Variants in RORA observed in about 807,000 individuals in gnomAD.
RORA encodes the protein RAR related orphan receptor A, also known as nuclear receptor ROR-alpha.
RORA carries 7 observed loss-of-function variants against 69.5 expected under a neutral mutation model. The observed-to-expected ratio is 0.10, with a 90% confidence interval of 0.06 to 0.19. The LOEUF (loss-of-function observed/expected upper bound fraction) is 0.19. Ranked by LOEUF, RORA falls within the 10% of genes least tolerant of loss-of-function variation. The pLI, the probability that RORA is intolerant of heterozygous loss-of-function variation, is 1.00. For synonymous variants in RORA, 261 were observed against 240.8 expected, an observed-to-expected ratio of 1.08 and a Z score of -0.78; for missense variants, 457 against 663.0, an observed-to-expected ratio of 0.69 and a Z score of 3.41.
chr15:60,674,057 C>T (rs1015855060), intron 2 of RORA, among the ~76,000 whole-genome samples: 2 of 152,220 alleles, frequency 1.3e-5, no homozygotes, highest in Non-Finnish European at 2.9e-5. Context: ...TTCAGCGTGG[C>T]TTCTTCTCAC....
intron 1 of RORA, among the ~76,000 whole-genome samples, chr15:61,003,380 TAC>T (rs1240111302): frequency 6.6e-6 from 1 of 152,096 alleles, no homozygotes; most frequent in Non-Finnish European, 1.5e-5. Context: ...CACACACATA[TAC>T]ACACACACAA....
intron 1 of RORA, among the ~76,000 whole-genome samples, chr15:61,064,291 G>T (rs188511631): frequency 6.6e-6 from 1 of 152,288 alleles, no homozygotes; most frequent in Admixed American, 6.5e-5. Context: ...TTCCATCCGC[G>T]AAGGTTGTCC....
At chr15:61,041,445 G>A (rs1183805114) in intron 1 of RORA, among the ~76,000 whole-genome samples, 5 of 152,164 alleles carry the variant, frequency 3.3e-5, no homozygotes, top group East Asian at 1.9e-4. Context: ...AACATTTGTC[G>A]AGCATCCATT....
intron 1 of RORA, among the ~76,000 whole-genome samples, chr15:61,125,890 G>A (rs1047192626): frequency 1.3e-5 from 2 of 152,224 alleles, no homozygotes; most frequent in Non-Finnish European, 1.5e-5. Context: ...TTTCCTGTGA[G>A]CAGGATTGTA....
intron 1 of RORA, among the ~76,000 whole-genome samples, chr15:61,122,049 A>G (rs956077454): frequency 1.9e-4 from 29 of 152,292 alleles, no homozygotes; most frequent in Non-Finnish European, 2.6e-4. Flanking sequence ...AACTGTATGT[A>G]AGAGGAAAAA....
intron 1 of RORA, among the ~76,000 whole-genome samples, chr15:60,929,479 C>G (rs1055863489): frequency 1.4e-4 from 21 of 152,172 alleles, no homozygotes; most frequent in African/African-American, 5.1e-4. Context: ...TTTCCATCCT[C>G]CTGGTTCTGC....
chr15:60,679,452 C>T (rs994542548), intron 1 of RORA, among the ~76,000 whole-genome samples: 1 of 152,190 alleles, frequency 6.6e-6, no homozygotes, highest in African/African-American at 2.4e-5. Context: ...TGCTTTGATG[C>T]AAACAACACT....
At chr15:61,142,057 A>C (rs201026857) in intron 1 of RORA, among the ~76,000 whole-genome samples, 6 of 134,624 alleles carry the variant, frequency 4.5e-5, no homozygotes, top group East Asian at 3.2e-4. Context: ...GACAGCAGTT[A>C]CCCTTTCACA....
intron 2 of RORA, among the ~76,000 whole-genome samples, chr15:60,570,681 GC>G (rs1432896377): frequency 2.0e-5 from 3 of 152,062 alleles, no homozygotes; most frequent in Non-Finnish European, 4.4e-5. Context: ...TTTTAAAACA[GC>G]TATTCATTTG....
chr15:60,720,844 A>T (rs923060175), intron 1 of RORA, among the ~76,000 whole-genome samples: 10 of 152,172 alleles, frequency 6.6e-5, no homozygotes, highest in Non-Finnish European at 1.2e-4. Flanking sequence ...TGACTTCTTC[A>T]GCTTTCCTTG....
intron 1 of RORA, among the ~76,000 whole-genome samples, chr15:61,058,597 G>A (rs2078127814): frequency 6.6e-6 from 1 of 152,174 alleles, no homozygotes; most frequent in African/African-American, 2.4e-5. Context: ...AGGGTGAGTT[G>A]GGGAGGACAG....
chr15:60,894,326 C>T (rs1484663802), intron 1 of RORA, among the ~76,000 whole-genome samples: 1 of 152,214 alleles, frequency 6.6e-6, no homozygotes, highest in African/African-American at 2.4e-5. Context: ...GAGTTTTGTA[C>T]ACTTTCGTGA....
chr15:60,523,433 T>C (rs1317582500), intron 3 of RORA, among the ~76,000 whole-genome samples: 1 of 152,228 alleles, frequency 6.6e-6, no homozygotes. Context: ...TTATTATTGT[T>C]TGAAAATTAT....
intron 2 of RORA, among the ~76,000 whole-genome samples, chr15:60,572,886 G>A (rs1406614539): frequency 1.3e-5 from 2 of 152,186 alleles, no homozygotes; most frequent in African/African-American, 4.8e-5. Context: ...AAATTACCAA[G>A]CATATCTTTA....
rs114603982 is a variant in RORA at position 60,889,840 on chromosome 15, T to C, written c.167-211154A>G. Among the ~76,000 whole-genome samples, 1,079 of 152,288 alleles carry C rather than the reference T, an allele frequency of 7.1e-3. 13 individuals carry two copies. Among genetic ancestry groups the C allele is most frequent in the African/African-American group, 0.025 (1,022 of 41,560 alleles). On this transcript the variant is annotated intron_variant, in intron 1 of 10. Coordinates refer to ENST00000335670, the MANE Select transcript of RORA (RefSeq NM_134261.3). The stretch of plus-strand genomic sequence containing the variant: ...GTATGAACTCACACACAGAAACCAA[T>C]ATACACTACTACTGGAAACGTAAAT...
chr15:60,588,551 A>G lies in RORA; in HGVS notation c.197-56700T>C, dbSNP rs1254471140. Among the ~76,000 whole-genome samples the G allele has an allele frequency of 2.6e-5, 4 of 152,178 alleles. No individual in the cohort carries two copies. In the East Asian group the frequency reaches 7.7e-4, roughly 29 times the overall value. On this transcript the variant is annotated intron_variant, in intron 2 of 10. Coordinates refer to ENST00000335670, the MANE Select transcript of RORA (RefSeq NM_134261.3). Reference sequence around the variant, plus strand: ...CTAGATACCCCAGAGCAAATAAGAAAGTGGTTGGGTGCTATTGTAGGTGCT... The same window carrying G: ...CTAGATACCCCAGAGCAAATAAGAAGGTGGTTGGGTGCTATTGTAGGTGCT...
intron 1 of RORA, among the ~76,000 whole-genome samples, chr15:60,842,924 TG>T (rs2073218500): frequency 6.6e-6 from 1 of 152,124 alleles, no homozygotes; most frequent in African/African-American, 2.4e-5. Context: ...GAGTGGGTGG[TG>T]GAAGAGCTGG....
At chr15:61,071,682 G>A (rs117533774) in intron 1 of RORA, among the ~76,000 whole-genome samples, 6,087 of 94,894 alleles carry the variant, frequency 0.064, 389 homozygotes, top group Admixed American at 0.1. Context: ...GGAGAGGGGG[G>A]AGAGGGGAGG....
chr15:61,172,656 C>T (rs1343798272), intron 1 of RORA, among the ~76,000 whole-genome samples: 1 of 152,182 alleles, frequency 6.6e-6, no homozygotes, highest in Non-Finnish European at 1.5e-5. Flanking sequence ...TTTTTAACTT[C>T]TTGGCAATAT....
Sources: gnomAD v4.1 joint callset for allele counts (sites outside exome capture counted in the v4.1 genomes callset) on GRCh38, gnomAD v4.1.1 for gene constraint, MANE v1.5 for transcripts, NCBI Gene and HGNC (gene_info 2026-07-23, HGNC 2026-07-21) for gene names.